The following NUP188 variants were observed in gnomAD, a reference collection of about 807,000 sequenced individuals.
NUP188 encodes nucleoporin 188.
A neutral mutation model predicts 223.0 loss-of-function variants in NUP188; 97 were observed. The ratio of observed to expected loss-of-function variants is 0.43; its 90% CI spans 0.37 to 0.51. The LOEUF (loss-of-function observed/expected upper bound fraction) is 0.51. NUP188 is among the 20% of genes least tolerant of loss of function. NUP188 has a pLI of 0.00. For synonymous variants in NUP188, 869 were observed against 828.0 expected, an observed-to-expected ratio of 1.05 and a Z score of -0.85; for missense variants, 1,947 against 2,175.6, an observed-to-expected ratio of 0.89 and a Z score of 2.09.
At chr9:128,961,392 C>G (rs561327636) in intron 8 of NUP188, among the ~76,000 whole-genome samples, 1 of 146,008 alleles carries the variant, frequency 6.8e-6, no homozygotes, top group Non-Finnish European at 1.5e-5. Flanking sequence ...CGTGCCTGTA[C>G]TCCCAGCTAC....
chr9:129,004,936 G>C (rs946245373), intron 38 of NUP188: 1 of 596,266 alleles, frequency 1.7e-6, no homozygotes, highest in Non-Finnish European at 3.0e-6. Context: ...CTTTAAGCTG[G>C]AAAGTGGCCA....
intron 1 of NUP188, 54 bp downstream of exon 1, chr9:128,947,805 G>T: frequency 7.5e-7 from 1 of 1,341,708 alleles, no homozygotes; most frequent in Non-Finnish European, 9.6e-7. Context: ...TGTCAAAGCC[G>T]AGCGGAAGCG....
chr9:129,001,556 A>G lies in NUP188; in HGVS notation c.3871A>G (p.Lys1291Glu), dbSNP rs764652192. The G allele has an allele frequency of 1.2e-6, 2 of 1,613,940 alleles. No individual in the cohort carries two copies. The highest frequency in any genetic ancestry group is 1.7e-6 in the Non-Finnish European group (2 of 1,180,012). The change falls in exon 35 of 44, where the codon AAG becomes GAG. Residue 1291 changes from lysine (K) to glutamate (E), a missense_variant. By Grantham distance (56) the Lys-to-Glu change is moderately conservative. Coordinates refer to ENST00000372577, the MANE Select transcript of NUP188 (RefSeq NM_015354.3). ...GVCVLGLHLA[K>E]ELCEVDEDGD... is the part of the protein sequence containing the mutation. ...GTGTGTCCTGGGCCTGCACCTGGCC[A>G]AGGAGCTGTGTGAGGTAGACGAGGA...
At chr9:128,994,225 C>T in intron 27 of NUP188, 148 bp from the exon 28 acceptor site, 1 of 637,726 alleles carries the variant, frequency 1.6e-6, no homozygotes, top group Non-Finnish European at 2.8e-6. Flanking sequence ...GGAAACCTTT[C>T]ATTTATACGG....
chr9:128,953,312 T>A (rs1294959267), intron 3 of NUP188, among the ~76,000 whole-genome samples: 1 of 152,234 alleles, frequency 6.6e-6, no homozygotes, highest in East Asian at 1.9e-4. Context: ...TTTGGGTGAA[T>A]ATATAGATCT....
chr9:128,981,114 A>C (rs893819069), intron 14 of NUP188, 150 bp from the exon 15 acceptor site: 1 of 884,318 alleles, frequency 1.1e-6, no homozygotes, highest in Non-Finnish European at 1.8e-6. Context: ...CCCAGTGAAG[A>C]TTTGGCGAGG....
intron 11 of NUP188, 82 bp from the exon 12 acceptor site, chr9:128,973,078 A>G (rs17455370): frequency 1.6e-5 from 12 of 741,834 alleles, no homozygotes; most frequent in Middle Eastern, 2.8e-4. Flanking sequence ...TACAAAGAAT[A>G]TATGAATGCG....
chr9:129,003,839 G>A, intron 38 of NUP188: 1 of 317,262 alleles, frequency 3.2e-6, no homozygotes, highest in East Asian at 1.1e-4. Context: ...TGGGCGTGGT[G>A]GCACGTGACT....
chr9:128,963,355 G>T (rs561728573), intron 8 of NUP188, among the ~76,000 whole-genome samples: 1 of 147,380 alleles, frequency 6.8e-6, no homozygotes, highest in Non-Finnish European at 1.5e-5. Flanking sequence ...GCGCGATTTC[G>T]ACTCACTGCA....
In NUP188 at chr9:128,968,492, C is replaced by G. The variant is rs779936545; in HGVS notation, c.586-14C>G. 3.1e-6 allele frequency: 5 copies of G among 1,603,692 alleles called. No homozygotes were observed. The South Asian group carries it at 5.5e-5, about 18-fold the overall frequency. On this transcript the variant is annotated splice_polypyrimidine_tract_variant and intron_variant, in intron 8 of 43. Transcript: ENST00000372577. ...TGTTATTTCTCTCCCATTTTGTTTT[C>G]ATTGGTTGTACAGACAGAGCGCCAA... is the stretch of plus-strand genomic sequence containing the variant.
chr9:128,973,391 C>CTT, intron 12 of NUP188, 142 bp downstream of exon 12: 1 of 594,540 alleles, frequency 1.7e-6, no homozygotes, highest in Non-Finnish European at 2.9e-6. Context: ...TTACTTTTTT[C>CTT]TTTTTTTTTG....
chr9:128,957,013 G>A lies in NUP188; in HGVS notation c.308G>A (p.Gly103Asp), dbSNP rs767568624. The A allele has an allele frequency of 8.1e-6, 13 of 1,611,412 alleles. No homozygotes were observed. Among genetic ancestry groups the A allele is most frequent in the Non-Finnish European group, 1.1e-5 (13 of 1,178,234 alleles). The change falls in exon 5 of 44, where the codon GGT becomes GAT. Residue 103 changes from glycine (G) to aspartate (D), a missense_variant. Physicochemically the swap from Gly to Asp is moderately conservative, Grantham distance 94. This residue lies in a region of NUP188 where 817 missense variants were observed against 865.8 expected (regional missense o/e 0.94). Coordinates refer to ENST00000372577, the MANE Select transcript of NUP188 (RefSeq NM_015354.3). ...LQCYLQEDYRGTRDSVKTVLQ... is the reference protein window; with the variant it reads ...LQCYLQEDYRDTRDSVKTVLQ... ...TGTTACCTGCAAGAGGACTACAGGG[G>A]TACTCGGGACTCAGTAAAGGTTTGT...
intron 37 of NUP188, 83 bp downstream of exon 37, chr9:129,003,058 G>T (rs1588295105): frequency 6.7e-7 from 1 of 1,482,720 alleles, no homozygotes. Context: ...TGGGTGTGGA[G>T]CCTGGGCCTC....
intron 8 of NUP188, among the ~76,000 whole-genome samples, chr9:128,960,513 T>C (rs1449498168): frequency 6.6e-6 from 1 of 152,204 alleles, no homozygotes; most frequent in Non-Finnish European, 1.5e-5. Context: ...GGCCTATTTA[T>C]ACATATGACA....
Position 128,998,148 on chromosome 9 carries a change from C to A in NUP188, c.3352-3C>A. On this transcript the variant is annotated splice_region_variant and splice_polypyrimidine_tract_variant and intron_variant, in intron 30 of 43. Coordinates refer to ENST00000372577, the MANE Select transcript of NUP188 (RefSeq NM_015354.3). ...GCTGAAACCTTTTTCTGTTCCTTTG[C>A]AGGCAGATATAATGCACCTGACTGA... 1 of 1,612,508 alleles carries A rather than the reference C, an allele frequency of 6.2e-7. No homozygotes were observed. Among genetic ancestry groups the A allele is most frequent in the Non-Finnish European group, 8.5e-7 (1 of 1,178,522 alleles).
In NUP188 at chr9:129,006,662, G is replaced by C. The variant is rs143900765; in HGVS notation, c.5234G>C (p.Arg1745Pro). The change falls in exon 44 of 44, where the codon CGG becomes CCG. Residue 1745 changes from arginine (R) to proline (P), a missense_variant. This residue lies in a region of NUP188 where 905 missense variants were observed against 990.6 expected (regional missense o/e 0.91). Transcript: ENST00000372577. ...ATCCAGTTGGTGCAGGCGTTTGTCC[G>C]GCATATGCAAAGATAGGGCAGTGCT... ...PLIQLVQAFV[R>P]HMQR 1.7e-5 allele frequency: 27 copies of C among 1,613,252 alleles called. No individual in the cohort carries two copies. The highest frequency in any genetic ancestry group is 2.2e-5 in the Non-Finnish European group (26 of 1,179,848).
In NUP188 at chr9:129,006,998, C is replaced by G. The variant is rs1057305076; in HGVS notation, c.*320C>G. 3.5e-6 allele frequency: 1 copy of G among 282,280 alleles called. No homozygotes were observed. Among genetic ancestry groups the G allele is most frequent in the African/African-American group, 2.2e-5 (1 of 45,692 alleles). 17.5% of individuals were successfully genotyped at this position (282,280 alleles called of 1,614,324 possible). On this transcript the variant is annotated 3_prime_UTR_variant, in exon 44 of 44. Transcript: ENST00000372577. Reference sequence around the variant, plus strand: ...AGAGGCGGCAGCCCAGCAGAGGGCTCTATGCACGGGTTTCAAACCTGTTTT... The same window carrying G: ...AGAGGCGGCAGCCCAGCAGAGGGCTGTATGCACGGGTTTCAAACCTGTTTT...
intron 2 of NUP188, 51 bp from the exon 3 acceptor site, chr9:128,952,722 C>CAA (rs371313511): frequency 6.7e-4 from 878 of 1,317,860 alleles, no homozygotes; most frequent in East Asian, 1.3e-3. Flanking sequence ...GACTCTGTCT[C>CAA]AAAAAAAAAA....
intron 28 of NUP188, 120 bp downstream of exon 28, chr9:128,994,562 C>T (rs1171770206): frequency 9.2e-6 from 7 of 762,064 alleles, no homozygotes; most frequent in African/African-American, 1.7e-5. Context: ...ATGTTCCCTT[C>T]ACTAGAAACG....
Sources: allele counts gnomAD v4.1 joint callset (sites outside exome capture counted in the v4.1 genomes callset), GRCh38; gene constraint gnomAD v4.1.1; regional missense constraint gnomAD v4.1.1; transcripts MANE v1.5; gene names NCBI Gene and HGNC (gene_info 2026-07-23, HGNC 2026-07-21).